Variants in NHS observed in about 807,000 individuals in gnomAD.
The protein encoded by NHS is NHS actin remodeling regulator.
NHS carries 5 observed loss-of-function variants against 72.5 expected under a neutral mutation model. The observed-to-expected ratio is 0.07, with a 90% CI of 0.04 to 0.14. The LOEUF (loss-of-function observed/expected upper bound fraction) is 0.14, where lower values mean the gene tolerates loss of function less well. Among genes scored for constraint, NHS ranks in the 10% least tolerant of loss-of-function variants. The probability of loss-of-function intolerance (pLI) is 1.00; values close to 1 mark genes in which losing one functional copy is unlikely to be tolerated. For missense variants in NHS, 1,072 were observed against 1,355.7 expected, an observed-to-expected ratio of 0.79 and a Z score of 3.29; for synonymous variants, 464 against 547.7, an observed-to-expected ratio of 0.85 and a Z score of 2.13.
At chrX:17,647,384 C>T (rs2065910807) in intron 1 of NHS, among the ~76,000 whole-genome samples, 1 of 112,289 alleles carries the variant, frequency 8.9e-6, no homozygotes, top group African/African-American at 3.2e-5. Flanking sequence ...AGGTTGAGAA[C>T]ACTGCTTTAA....
At chrX:17,437,380 G>A (rs1166284611) in intron 1 of NHS, among the ~76,000 whole-genome samples, 2 of 111,706 alleles carry the variant, frequency 1.8e-5, no homozygotes, top group East Asian at 2.8e-4. Context: ...AGGTTTTGAT[G>A]CGTTCCTCAA....
Position 17,651,684 on chromosome X carries a change from G to A in NHS, c.566-36058G>A, listed in dbSNP as rs529356070. 5.3e-5 allele frequency among the ~76,000 whole-genome samples: 6 copies of A among 112,202 alleles called. No homozygotes were observed. In the South Asian group the frequency reaches 2.3e-3, roughly 42 times the overall value. On this transcript the variant is annotated intron_variant, in intron 1 of 8. Transcript: ENST00000676302. ...ACGTAACTTCTGCCCACATTCCATT[G>A]GCCAGGACTCAGTTAGAGGGCTGTA...
intron 1 of NHS, among the ~76,000 whole-genome samples, chrX:17,446,854 G>A (rs938945974): frequency 2.7e-5 from 3 of 111,740 alleles, no homozygotes; most frequent in Admixed American, 9.5e-5. Context: ...ATATATTTCT[G>A]TGTCACCAAA....
Position 17,687,152 on chromosome X carries a change from C to T in NHS, c.566-590C>T, listed in dbSNP as rs140103318. The stretch of plus-strand genomic sequence containing the variant: ...TGCGTATGCTCACCCCTGGGTGAAA[C>T]CAAGGAAGAGCAATGCTTTGAAAGA... On this transcript the variant is annotated intron_variant, in intron 1 of 8. Transcript: ENST00000676302. 503 of 126,473 alleles carry T rather than the reference C, an allele frequency of 4.0e-3. 4 individuals carry two copies. The highest frequency in any genetic ancestry group is 0.015 in the African/African-American group (464 of 31,533). The allele number at this position is 126,473 out of a possible 1,213,427, so 10.4% of individuals were successfully genotyped here.
At chrX:17,412,503 G>A (rs1405490061) in intron 1 of NHS, among the ~76,000 whole-genome samples, 1 of 110,679 alleles carries the variant, frequency 9.0e-6, no homozygotes, top group Non-Finnish European at 1.9e-5. Flanking sequence ...AGGCTGGGGT[G>A]GGAGAATCAC....
chrX:17,549,919 A>G (rs745886807), intron 1 of NHS, among the ~76,000 whole-genome samples: 14 of 111,543 alleles, frequency 1.3e-4, no homozygotes, highest in Non-Finnish European at 2.1e-4. Context: ...TCAAGAAGGG[A>G]TGTCTTTTAG....
intron 1 of NHS, among the ~76,000 whole-genome samples, chrX:17,532,584 G>A (rs997531696): frequency 8.9e-6 from 1 of 111,762 alleles, no homozygotes; most frequent in Non-Finnish European, 1.9e-5. Flanking sequence ...AGCCTGAGAC[G>A]TCACCATGAG....
At chrX:17,665,311 C>T (rs1186939046) in intron 1 of NHS, among the ~76,000 whole-genome samples, 1 of 101,561 alleles carries the variant, frequency 9.8e-6, no homozygotes, top group Non-Finnish European at 2.0e-5. Flanking sequence ...AAGTATATTA[C>T]CTATAGATTT....
At chrX:17,545,722 G>A (rs772496736) in intron 1 of NHS, among the ~76,000 whole-genome samples, 3 of 111,983 alleles carry the variant, frequency 2.7e-5, no homozygotes, top group African/African-American at 9.7e-5. Flanking sequence ...GAGGCATTTT[G>A]TCTGTTCTCT....
intron 1 of NHS, among the ~76,000 whole-genome samples, chrX:17,386,241 C>T (rs2064407563): frequency 8.9e-6 from 1 of 111,978 alleles, no homozygotes; most frequent in Non-Finnish European, 1.9e-5. Flanking sequence ...AAGCTTTCTT[C>T]ATCCCAGGTA....
intron 3 of NHS, among the ~76,000 whole-genome samples, chrX:17,695,939 A>C (rs1194483499): frequency 2.0e-5 from 2 of 97,935 alleles, no homozygotes; most frequent in African/African-American, 9.0e-5. Context: ...AAAAAAAAAA[A>C]AAAGGGGGGG....
intron 1 of NHS, among the ~76,000 whole-genome samples, chrX:17,488,034 C>T (rs1381555745): frequency 9.0e-6 from 1 of 111,230 alleles, no homozygotes. Context: ...TTCTCCTCAC[C>T]TGTATCCTGC....
rs768215994 is a variant in NHS, at chrX:17,489,829, G to A, written c.565+113507G>A. The stretch of plus-strand genomic sequence containing the variant: ...TTTAATGATTGCCATTCTAACTGAC[G>A]TGAGATGGTATCTCATTGTGGTTTT... On this transcript the variant is annotated intron_variant, in intron 1 of 8. Transcript: ENST00000676302. 6.3e-5 allele frequency among the ~76,000 whole-genome samples: 7 copies of A among 111,920 alleles called. No homozygotes were observed. In the South Asian group the frequency reaches 1.9e-3, roughly 30 times the overall value.
rs188892153 is a variant in NHS at position 17,721,682 on chromosome X, G to A, written c.1108+49G>A. ...GGGCAGTCGGGTCAGAATATTCTGT[G>A]TATTAAATATGTTCAAAATCTGTGC... On this transcript the variant is annotated intron_variant, in intron 5 of 8. Coordinates refer to ENST00000676302, the MANE Select transcript of NHS (RefSeq NM_001291867.2). The A allele has an allele frequency of 1.2e-4, 130 of 1,061,888 alleles. No homozygotes were observed. In the African/African-American group the frequency reaches 2.2e-3, roughly 18 times the overall value. 87.5% of individuals were successfully genotyped at this position (1,061,888 alleles called of 1,213,427 possible).
intron 1 of NHS, among the ~76,000 whole-genome samples, chrX:17,568,130 A>G (rs2065454765): frequency 8.9e-6 from 1 of 111,987 alleles, no homozygotes; most frequent in Non-Finnish European, 1.9e-5. Context: ...CAAAGAGAAC[A>G]GTTCCCACCC....
chrX:17,561,574 G>GCGCACACA lies in NHS; in HGVS notation c.566-126167_566-126166insGCACACAC, dbSNP rs879101977. ...CAAGTGCATGCGCGCGCGCGCGCGCGCACACACACACACACACACACACAC... is the reference window on the plus strand; with the variant it reads ...CAAGTGCATGCGCGCGCGCGCGCGCGCGCACACACACACACACACACACACACACACAC... On this transcript the variant is annotated intron_variant, in intron 1 of 8. Coordinates refer to ENST00000676302, the MANE Select transcript of NHS (RefSeq NM_001291867.2). Among the ~76,000 whole-genome samples, 153 of 65,409 alleles carry GCGCACACA rather than the reference G, an allele frequency of 2.3e-3. 2 individuals are homozygous for GCGCACACA. Among genetic ancestry groups the GCGCACACA allele is most frequent in the East Asian group, 0.011 (19 of 1,709 alleles). 56.8% of individuals were successfully genotyped at this position (65,409 alleles called of 115,157 possible). A position where few individuals can be genotyped will look rare whatever the true frequency, so the allele number is the denominator to read the frequency against.
chrX:17,574,360 T>G (rs947155823), intron 1 of NHS, among the ~76,000 whole-genome samples: 1 of 112,212 alleles, frequency 8.9e-6, no homozygotes, highest in Non-Finnish European at 1.9e-5. Context: ...CCCTGCCACT[T>G]TGTTTACACT....
intron 1 of NHS, among the ~76,000 whole-genome samples, chrX:17,591,098 C>T (rs1038889376): frequency 2.7e-5 from 3 of 112,087 alleles, no homozygotes; most frequent in African/African-American, 9.7e-5. Context: ...GCTGGGGAAT[C>T]ATTTGTCCTA....
At chrX:17,575,630 T>C (rs2146978763) in intron 1 of NHS, among the ~76,000 whole-genome samples, 1 of 112,146 alleles carries the variant, frequency 8.9e-6, no homozygotes, top group African/African-American at 3.2e-5. Context: ...TTTGAGTAGG[T>C]CCTTGATTTC....
Sources: allele counts gnomAD v4.1 joint callset (sites outside exome capture counted in the v4.1 genomes callset), GRCh38; gene constraint gnomAD v4.1.1; transcripts MANE v1.5; gene names NCBI Gene and HGNC (gene_info 2026-07-23, HGNC 2026-07-21).